The following TBC1D31 variants were observed in gnomAD, a reference collection of about 807,000 sequenced individuals.
TBC1D31 encodes the protein WD repeat domain 67.
In TBC1D31, 99 loss-of-function variants were observed where a neutral mutation model predicts 132.9. That is an observed-to-expected ratio of 0.74 (90% CI 0.63 to 0.88). The LOEUF (loss-of-function observed/expected upper bound fraction) is 0.88. Among genes scored for constraint, TBC1D31 ranks in the 40% least tolerant of loss-of-function variants. The pLI is 0.00. For missense variants in TBC1D31, 1,134 were observed against 1,256.6 expected (o/e 0.90, Z 1.48); for synonymous variants, 385 against 419.4 (o/e 0.92, Z 1.00).
intron 20 of TBC1D31, among the ~76,000 whole-genome samples, chr8:123,149,046 TAAA>T (rs879323924): frequency 6.9e-6 from 1 of 144,666 alleles, no homozygotes; most frequent in Non-Finnish European, 1.5e-5. Flanking sequence ...AGATTCCGTC[TAAA>T]AAAAAAAAAG....
At chr8:123,074,788 C>G (rs750151167) in intron 1 of TBC1D31, 4 of 152,226 alleles carry the variant, frequency 2.6e-5, no homozygotes, top group Non-Finnish European at 4.4e-5. Context: ...TTTACCAACT[C>G]TGTGACCTTG....
chr8:123,076,919 T>C (rs560722375), intron 1 of TBC1D31, among the ~76,000 whole-genome samples, 192 bp from the exon 2 acceptor site: 11 of 152,338 alleles, frequency 7.2e-5, no homozygotes, highest in African/African-American at 9.6e-5. Flanking sequence ...AAACAGTAGC[T>C]ATTTTGATAA....
intron 4 of TBC1D31, among the ~76,000 whole-genome samples, chr8:123,085,195 T>C (rs527305284): frequency 5.7e-4 from 87 of 152,224 alleles, no homozygotes; most frequent in Non-Finnish European, 1.1e-3. Context: ...TTAAAATTTA[T>C]ATATAATGAA....
At chr8:123,093,857 C>A in intron 5 of TBC1D31, 115 bp downstream of exon 5, 1 of 721,756 alleles carries the variant, frequency 1.4e-6, no homozygotes, top group Non-Finnish European at 2.0e-6. Context: ...GAAAAAGTTA[C>A]CTTCAAATTT....
At chr8:123,111,091 GT>G (rs143158206) in intron 10 of TBC1D31, among the ~76,000 whole-genome samples, 10,224 of 149,698 alleles carry the variant, frequency 0.068, 406 homozygotes, top group Admixed American at 0.11. Flanking sequence ...CTGAGTCAAG[GT>G]TTTTTTTTTC....
chr8:123,131,056 GAA>G (rs1820569725), intron 16 of TBC1D31, among the ~76,000 whole-genome samples: 2 of 151,838 alleles, frequency 1.3e-5, no homozygotes, highest in African/African-American at 4.8e-5. Context: ...CATCCCCAGA[GAA>G]ACACTATTAA....
rs548131528 is a variant in TBC1D31 at position 123,110,654 on chromosome 8, C to A, written c.1436+1034C>A. Among the ~76,000 whole-genome samples the A allele has an allele frequency of 3.2e-4, 49 of 152,212 alleles. 1 individual carries two copies. The highest frequency in any genetic ancestry group is 1.4e-3 in the East Asian group (7 of 5,180). On this transcript the variant is annotated intron_variant, in intron 10 of 21. Transcript: ENST00000287380. Reference sequence around the variant, plus strand: ...TCCCACTCACTCTACACCCCACATCCCAACATACACACACTCCCCTTGCTA... The same window carrying A: ...TCCCACTCACTCTACACCCCACATCACAACATACACACACTCCCCTTGCTA...
chr8:123,084,012 C>T (rs1466652785), intron 3 of TBC1D31, 150 bp from the exon 4 acceptor site: 3 of 638,764 alleles, frequency 4.7e-6, no homozygotes, highest in African/African-American at 3.7e-5. Context: ...ATCAACTAGC[C>T]ACAAGCTTCC....
intron 21 of TBC1D31, among the ~76,000 whole-genome samples, chr8:123,150,776 C>T (rs760891695): frequency 6.6e-6 from 1 of 152,152 alleles, no homozygotes; most frequent in Non-Finnish European, 1.5e-5. Context: ...TAACAATCTT[C>T]CCAGTAAAGT....
intron 20 of TBC1D31, among the ~76,000 whole-genome samples, chr8:123,145,486 T>G (rs543001839): frequency 6.6e-6 from 1 of 152,306 alleles, no homozygotes; most frequent in South Asian, 2.1e-4. Context: ...ACATGGAAAC[T>G]TCTCATAGGA....
the TBC1D31 span, among the ~76,000 whole-genome samples, chr8:123,161,736 G>A: frequency 6.6e-6 from 1 of 152,070 alleles, no homozygotes; most frequent in African/African-American, 2.4e-5. Flanking sequence ...TACCCAATGG[G>A]CCCGGTGCAT....
intron 14 of TBC1D31, 24 bp downstream of exon 14, chr8:123,128,537 T>C (rs749975552): frequency 2.0e-6 from 3 of 1,476,264 alleles, no homozygotes; most frequent in East Asian, 4.5e-5. Context: ...AGTTTTTCTT[T>C]TTCTGATACA....
At chr8:123,150,182 T>A in intron 21 of TBC1D31, 54 bp downstream of exon 21, 1 of 1,395,144 alleles carries the variant, frequency 7.2e-7, no homozygotes. Flanking sequence ...TCACAATATT[T>A]AAGCAAAATT....
intron 11 of TBC1D31, among the ~76,000 whole-genome samples, chr8:123,125,292 C>G (rs1819929061): frequency 6.6e-6 from 1 of 152,162 alleles, no homozygotes; most frequent in Non-Finnish European, 1.5e-5. Flanking sequence ...GTGGGTCGTT[C>G]TACTGATTAC....
chr8:123,162,778 C>T, the TBC1D31 span, among the ~76,000 whole-genome samples: 30 of 152,248 alleles, frequency 2.0e-4, no homozygotes, highest in Middle Eastern at 3.4e-3. Flanking sequence ...GTGCTAATGC[C>T]GCTTAACAAA....
chr8:123,120,516 A>G (rs965026542), intron 11 of TBC1D31, among the ~76,000 whole-genome samples: 4 of 152,070 alleles, frequency 2.6e-5, no homozygotes, highest in Non-Finnish European at 5.9e-5. Flanking sequence ...TACTAAAAAT[A>G]CAAAAATTAG....
At position 123,140,710 on chromosome 8, in the gene TBC1D31, A is replaced by G. The variant is rs1489112266; in HGVS notation, c.2500-51A>G. ...CTATTCTGAAAAAAGTCATTTTTGTATTCTAGCGTTATATAAATTAGTGAT... is the reference window on the plus strand; with the variant it reads ...CTATTCTGAAAAAAGTCATTTTTGTGTTCTAGCGTTATATAAATTAGTGAT... On this transcript the variant is annotated intron_variant, in intron 17 of 21. Coordinates refer to ENST00000287380, the MANE Select transcript of TBC1D31 (RefSeq NM_145647.4). 4.1e-6 allele frequency: 6 copies of G among 1,457,962 alleles called. No homozygotes were observed. The East Asian group carries it at 6.9e-5, about 17-fold the overall frequency. 90.3% of individuals were successfully genotyped at this position (1,457,962 alleles called of 1,614,324 possible).
At chr8:123,120,399 C>T (rs535225120) in intron 11 of TBC1D31, among the ~76,000 whole-genome samples, 16 of 152,206 alleles carry the variant, frequency 1.1e-4, no homozygotes, top group African/African-American at 2.9e-4. Flanking sequence ...AGGCCGGGCA[C>T]GGTGGCTCAT....
intron 13 of TBC1D31, among the ~76,000 whole-genome samples, chr8:123,127,261 ATTTTT>A (rs35198781): frequency 1.4e-3 from 95 of 69,904 alleles, no homozygotes; most frequent in African/African-American, 5.4e-3. Flanking sequence ...TGCTTTTTGC[ATTTTT>A]TTTTTTTTTT....
Sources: gnomAD v4.1 joint callset for allele counts (sites outside exome capture counted in the v4.1 genomes callset) on GRCh38, gnomAD v4.1.1 for gene constraint, MANE v1.5 for transcripts, NCBI Gene and HGNC (gene_info 2026-07-23, HGNC 2026-07-21) for gene names.